Variants in DGKI observed in about 807,000 individuals in gnomAD.
DGKI encodes the protein diacylglycerol kinase iota, also known as DAG kinase iota.
A neutral mutation model predicts 147.5 loss-of-function variants in DGKI; 55 were observed. That is an observed-to-expected ratio of 0.37 (90% confidence interval 0.30 to 0.47). DGKI has a LOEUF of 0.47. DGKI is among the 20% of genes least tolerant of loss of function. The probability of loss-of-function intolerance (pLI) is 1.00; values close to 1 mark genes in which losing one functional copy is unlikely to be tolerated. For missense variants in DGKI, 1,007 were observed against 1,323.8 expected (o/e 0.76, Z 3.71); for synonymous variants, 469 against 477.1 (o/e 0.98, Z 0.22).
intron 20 of DGKI, among the ~76,000 whole-genome samples, chr7:137,528,304 C>G (rs964976044): frequency 6.6e-6 from 1 of 152,148 alleles, no homozygotes; most frequent in Non-Finnish European, 1.5e-5. Flanking sequence ...ACAGAAGAAC[C>G]TACAAATGGT....
chr7:137,693,335 ATTCT>A (rs1422931639), intron 1 of DGKI, among the ~76,000 whole-genome samples: 6 of 152,206 alleles, frequency 3.9e-5, no homozygotes, highest in South Asian at 2.1e-4. Flanking sequence ...AATGCCAATG[ATTCT>A]TTCTATTAAT....
intron 28 of DGKI, among the ~76,000 whole-genome samples, chr7:137,425,701 T>C (rs964353020): frequency 5.3e-5 from 8 of 152,106 alleles, no homozygotes; most frequent in African/African-American, 1.9e-4. Context: ...GAGAAGTGCT[T>C]AAAGGAGCTG....
chr7:137,500,268 A>G (rs1043829201), intron 21 of DGKI, among the ~76,000 whole-genome samples: 1 of 152,172 alleles, frequency 6.6e-6, no homozygotes, highest in African/African-American at 2.4e-5. Flanking sequence ...TGTTGGTTTA[A>G]ATGTCTCATA....
intron 28 of DGKI, among the ~76,000 whole-genome samples, chr7:137,424,963 C>T (rs2128908082): frequency 6.6e-6 from 1 of 152,364 alleles, no homozygotes; most frequent in East Asian, 1.9e-4. Context: ...GGGTGCAGGG[C>T]ACAGACAAAC....
At chr7:137,516,009 T>C in intron 21 of DGKI, among the ~76,000 whole-genome samples, 1 of 152,062 alleles carries the variant, frequency 6.6e-6, no homozygotes, top group East Asian at 1.9e-4. Flanking sequence ...ATTGACATCA[T>C]TTAACTCCTC....
chr7:137,733,651 C>T (rs760436635), intron 1 of DGKI, among the ~76,000 whole-genome samples: 4 of 152,056 alleles, frequency 2.6e-5, no homozygotes, highest in Admixed American at 6.6e-5. Flanking sequence ...CTGCTTTAAT[C>T]GAGCTCACAT....
At chr7:137,774,599 G>A (rs1284874180) in intron 1 of DGKI, 3 of 152,034 alleles carry the variant, frequency 2.0e-5, no homozygotes, top group Admixed American at 6.6e-5. Flanking sequence ...CTCAACCTTC[G>A]CCCCATCCAG....
chr7:137,663,519 C>T (rs1417795556), intron 3 of DGKI, among the ~76,000 whole-genome samples: 2 of 152,220 alleles, frequency 1.3e-5, no homozygotes, highest in African/African-American at 4.8e-5. Context: ...TGGAGACCTG[C>T]TTTGGCATGT....
intron 1 of DGKI, among the ~76,000 whole-genome samples, chr7:137,718,525 T>G (rs935147044): frequency 2.0e-5 from 3 of 152,144 alleles, no homozygotes; most frequent in African/African-American, 7.2e-5. Flanking sequence ...CTCAAGCGCT[T>G]TCTCCTTGGA....
Position 137,469,556 on chromosome 7 carries a change from G to A in DGKI, c.2437C>T (p.Leu813=). Residue 813 remains leucine (L), a synonymous_variant, in exon 24 of 33, where the codon CTA becomes TTA. Transcript: ENST00000614521. ...AQRLSPRWCF[L]DATSADRFYR... is the part of the protein sequence containing the mutation. ...CAAGAAAGGCAGAACTCACCATCTA[G>A]GAAGCACCACCGAGGAGAGAGCCTC... is the stretch of plus-strand genomic sequence containing the variant. 3.1e-6 allele frequency: 5 copies of A among 1,613,844 alleles called. No individual in the cohort carries two copies. Among genetic ancestry groups the A allele is most frequent in the Non-Finnish European group, 4.2e-6 (5 of 1,179,878 alleles).
intron 3 of DGKI, among the ~76,000 whole-genome samples, chr7:137,658,622 C>A (rs1287441354): frequency 1.3e-5 from 2 of 152,172 alleles, no homozygotes; most frequent in African/African-American, 2.4e-5. Context: ...GCATTAAGTT[C>A]TATGGAGTTC....
chr7:137,466,416 G>A (rs902502873), intron 25 of DGKI, among the ~76,000 whole-genome samples: 13 of 152,194 alleles, frequency 8.5e-5, no homozygotes, highest in African/African-American at 3.1e-4. Context: ...TTATCATTAG[G>A]TTCAATACTG....
intron 4 of DGKI, among the ~76,000 whole-genome samples, chr7:137,655,556 CT>C (rs1182025650): frequency 6.6e-6 from 1 of 152,066 alleles, no homozygotes; most frequent in East Asian, 1.9e-4. Flanking sequence ...TGGAGGTCTC[CT>C]AGTAGGCACA....
At chr7:137,781,038 C>T (rs1796502552) in intron 1 of DGKI, among the ~76,000 whole-genome samples, 1 of 152,232 alleles carries the variant, frequency 6.6e-6, no homozygotes, top group South Asian at 2.1e-4. Flanking sequence ...CATCTGACAT[C>T]AGACATGATA....
intron 12 of DGKI, among the ~76,000 whole-genome samples, chr7:137,590,886 G>A (rs541426007): frequency 2.3e-4 from 35 of 152,270 alleles, no homozygotes; most frequent in Non-Finnish European, 3.8e-4. Flanking sequence ...AGAGATGGGG[G>A]CGGCTTTTGC....
At chr7:137,657,095 G>C (rs1822252971) in intron 3 of DGKI, among the ~76,000 whole-genome samples, 1 of 152,182 alleles carries the variant, frequency 6.6e-6, no homozygotes, top group African/African-American at 2.4e-5. Flanking sequence ...TCTTCCAGAA[G>C]TAAAGGAAGG....
chr7:137,548,041 G>T (rs1193385636), intron 20 of DGKI, among the ~76,000 whole-genome samples: 1 of 152,170 alleles, frequency 6.6e-6, no homozygotes, highest in Non-Finnish European at 1.5e-5. Flanking sequence ...GATCAAAAAG[G>T]TCTGCAAAGC....
intron 32 of DGKI, among the ~76,000 whole-genome samples, chr7:137,393,713 C>A (rs563456257): frequency 6.6e-6 from 1 of 152,292 alleles, no homozygotes; most frequent in Non-Finnish European, 1.5e-5. Context: ...AGGTAACAGA[C>A]CACTAGAAAC....
chr7:137,517,252 A>AAGAAAGAAAGAAAG (rs1554421179), intron 21 of DGKI, among the ~76,000 whole-genome samples: 39 of 129,086 alleles, frequency 3.0e-4, no homozygotes, highest in African/African-American at 1.2e-3. Flanking sequence ...AAAGAAAAGA[A>AAGAAAGAAAGAAAG]AAAGAAAGAA....
Sources: allele counts gnomAD v4.1 joint callset (sites outside exome capture counted in the v4.1 genomes callset), GRCh38; gene constraint gnomAD v4.1.1; transcripts MANE v1.5; gene names NCBI Gene and HGNC (gene_info 2026-07-23, HGNC 2026-07-21).